Variants in GADL1 observed in about 807,000 individuals in gnomAD.
GADL1 encodes acidic amino acid decarboxylase GADL1.
Under a neutral mutation model 69.5 loss-of-function variants are expected in GADL1, and 71 were observed. The ratio of observed to expected loss-of-function variants is 1.02; its 90% CI spans 0.84 to 1.25. GADL1 has a LOEUF of 1.25. Ranked by LOEUF, GADL1 falls within the 50% of genes most tolerant of loss-of-function variation. The pLI, the probability that GADL1 is intolerant of heterozygous loss-of-function variation, is 0.00. For missense variants in GADL1, 737 were observed against 631.8 expected, an observed-to-expected ratio of 1.17 and a Z score of -1.79; for synonymous variants, 254 against 214.4, an observed-to-expected ratio of 1.18 and a Z score of -1.62.
chr3:30,843,202 T>C (rs890224005), intron 8 of GADL1, among the ~76,000 whole-genome samples: 6 of 151,552 alleles, frequency 4.0e-5, no homozygotes, highest in African/African-American at 1.2e-4. Flanking sequence ...AAGCAGCAAA[T>C]CTAGCAGGCT....
At chr3:30,857,259 A>C (rs1698244081) in intron 2 of GADL1, 118 bp from the exon 3 acceptor site, 5 of 804,416 alleles carry the variant, frequency 6.2e-6, no homozygotes, top group Non-Finnish European at 9.8e-6. Flanking sequence ...TTAAACATGC[A>C]ACTATAGTTC....
intron 14 of GADL1, among the ~76,000 whole-genome samples, chr3:30,768,585 C>A (rs7632538): frequency 0.25 from 36,608 of 147,756 alleles, 5,113 homozygotes; most frequent in East Asian, 0.33. Context: ...GGAGGAGAGG[C>A]GGAGAAGGAA....
intron 13 of GADL1, 86 bp from the exon 14 acceptor site, chr3:30,778,354 C>T: frequency 1.2e-6 from 1 of 835,422 alleles, no homozygotes; most frequent in East Asian, 2.5e-5. Context: ...TAGCTAGTTT[C>T]TTCAAGAGTT....
intron 11 of GADL1, among the ~76,000 whole-genome samples, chr3:30,817,829 TATA>T (rs1218890976): frequency 1.3e-5 from 2 of 152,190 alleles, no homozygotes; most frequent in East Asian, 1.9e-4. Context: ...CAAAAGGACA[TATA>T]ATAGTCATAT....
intron 1 of GADL1, among the ~76,000 whole-genome samples, chr3:30,876,824 C>T (rs185734041): frequency 5.3e-4 from 80 of 152,068 alleles, no homozygotes; most frequent in African/African-American, 1.9e-3. Context: ...ACACTAATGT[C>T]TGTCTTCTTC....
chr3:30,773,464 A>G (rs1014159533), intron 14 of GADL1, among the ~76,000 whole-genome samples: 3 of 152,210 alleles, frequency 2.0e-5, no homozygotes, highest in African/African-American at 7.2e-5. Context: ...GAAATATAAA[A>G]GAAATCGCCT....
chr3:30,881,403 C>T (rs6792108), intron 1 of GADL1, among the ~76,000 whole-genome samples: 4,879 of 151,872 alleles, frequency 0.032, 213 homozygotes, highest in African/African-American at 0.1. Flanking sequence ...GTAATTCCAA[C>T]CTTTTTTGGG....
chr3:30,877,729 A>G (rs1041568277), intron 1 of GADL1, among the ~76,000 whole-genome samples: 1 of 151,920 alleles, frequency 6.6e-6, no homozygotes, highest in African/African-American at 2.4e-5. Context: ...AGCTAACAAC[A>G]TCAGCAAAGG....
intron 11 of GADL1, among the ~76,000 whole-genome samples, chr3:30,817,046 G>C (rs139894406): frequency 6.6e-6 from 1 of 152,050 alleles, no homozygotes; most frequent in Non-Finnish European, 1.5e-5. Flanking sequence ...GACCTAAAAT[G>C]AACCGTAGAC....
At chr3:30,817,255 C>T (rs914320153) in intron 11 of GADL1, among the ~76,000 whole-genome samples, 1 of 152,002 alleles carries the variant, frequency 6.6e-6, no homozygotes, top group African/African-American at 2.4e-5. Context: ...AAAATAAATC[C>T]CCATACAGGG....
intron 11 of GADL1, among the ~76,000 whole-genome samples, chr3:30,804,260 T>G (rs1163881097): frequency 6.6e-6 from 1 of 152,176 alleles, no homozygotes; most frequent in East Asian, 1.9e-4. Flanking sequence ...CCTCACTCCC[T>G]ACATATGGAA....
At chr3:30,799,298 C>T (rs1180857102) in intron 12 of GADL1, 1 of 152,230 alleles carries the variant, frequency 6.6e-6, no homozygotes, top group Non-Finnish European at 1.5e-5. Context: ...TCCCAAACCT[C>T]AATTCTTGAC....
intron 4 of GADL1, among the ~76,000 whole-genome samples, chr3:30,853,649 T>C (rs1420672357): frequency 6.6e-6 from 1 of 152,186 alleles, no homozygotes; most frequent in Admixed American, 6.5e-5. Context: ...CTATGAATGA[T>C]ATGACCATGA....
intron 1 of GADL1, among the ~76,000 whole-genome samples, chr3:30,893,567 T>C (rs1698814166): frequency 6.6e-6 from 1 of 152,192 alleles, no homozygotes; most frequent in Non-Finnish European, 1.5e-5. Flanking sequence ...CTATTCTAAC[T>C]TTCTACTTCT....
chr3:30,883,741 G>A (rs1698671971), intron 1 of GADL1, among the ~76,000 whole-genome samples: 2 of 151,904 alleles, frequency 1.3e-5, no homozygotes, highest in African/African-American at 4.8e-5. Context: ...GGGTAGCATG[G>A]ACGTCTTAAT....
chr3:30,871,979 G>A (rs949545944), intron 1 of GADL1, among the ~76,000 whole-genome samples: 3 of 152,004 alleles, frequency 2.0e-5, no homozygotes, highest in Non-Finnish European at 2.9e-5. Flanking sequence ...AGATTTTTCA[G>A]AGACACTTAC....
chr3:30,751,332 C>T (rs539759550), intron 14 of GADL1, among the ~76,000 whole-genome samples: 2 of 151,994 alleles, frequency 1.3e-5, no homozygotes, highest in African/African-American at 2.4e-5. Flanking sequence ...GGTAAGGAGA[C>T]TCTTGAGCCG....
chr3:30,731,193 GT>G (rs1394770482), intron 14 of GADL1, among the ~76,000 whole-genome samples: 2 of 152,192 alleles, frequency 1.3e-5, no homozygotes, highest in Admixed American at 1.3e-4. Flanking sequence ...TGTGGTTCTT[GT>G]TTTTGAAATC....
At chr3:30,748,070 T>G (rs1447293390) in intron 14 of GADL1, among the ~76,000 whole-genome samples, 1 of 152,172 alleles carries the variant, frequency 6.6e-6, no homozygotes, top group East Asian at 1.9e-4. Flanking sequence ...TGATGAAAAG[T>G]CCACTTATTC....
Sources: allele counts gnomAD v4.1 joint callset (sites outside exome capture counted in the v4.1 genomes callset), GRCh38; gene constraint gnomAD v4.1.1; transcripts MANE v1.5; gene names NCBI Gene and HGNC (gene_info 2026-07-23, HGNC 2026-07-21).